STK24: variants seen among roughly 807,000 people sequenced by gnomAD.
The protein encoded by STK24 is serine/threonine-protein kinase 24.
In STK24, 21 loss-of-function variants were observed where a neutral mutation model predicts 55.6. The ratio of observed to expected loss-of-function variants is 0.38; its 90% CI spans 0.27 to 0.54. The LOEUF (loss-of-function observed/expected upper bound fraction) is 0.54. Ranked by LOEUF, STK24 falls within the 20% of genes least tolerant of loss-of-function variation. The pLI is 0.79. For missense variants in STK24, 383 were observed against 538.4 expected, an observed-to-expected ratio of 0.71 and a Z score of 2.86; for synonymous variants, 200 against 215.2, an observed-to-expected ratio of 0.93 and a Z score of 0.62.
intron 1 of STK24, among the ~76,000 whole-genome samples, chr13:98,567,914 G>C (rs1897627713): frequency 1.5e-5 from 2 of 137,566 alleles, no homozygotes; most frequent in South Asian, 5.6e-4. Context: ...CTCAGAAGCT[G>C]GAAAGTAGGT....
At chr13:98,545,373 G>A (rs570642705) in intron 1 of STK24, among the ~76,000 whole-genome samples, 22 of 152,340 alleles carry the variant, frequency 1.4e-4, no homozygotes, top group African/African-American at 4.3e-4. Flanking sequence ...TAGGCCGGGC[G>A]CAGTGGCTCA....
intron 1 of STK24, among the ~76,000 whole-genome samples, chr13:98,572,604 G>T (rs771940650): frequency 1.3e-5 from 2 of 152,114 alleles, no homozygotes; most frequent in Non-Finnish European, 2.9e-5. Flanking sequence ...TCCCAGACTG[G>T]CCATTAGACA....
At chr13:98,539,926 G>T (rs1896840331) in intron 1 of STK24, among the ~76,000 whole-genome samples, 1 of 152,136 alleles carries the variant, frequency 6.6e-6, no homozygotes, top group African/African-American at 2.4e-5. Flanking sequence ...TGTTCACAGC[G>T]ACATGATTCA....
In STK24 at chr13:98,448,210, G is replaced by A; in HGVS notation, c.*4963C>T. ...CAGGAGTCCGTCCAAACAAAAGGTTGACTAACTGGCGTTCCCGTGTTGCAG... is the reference window on the plus strand; with the variant it reads ...CAGGAGTCCGTCCAAACAAAAGGTTAACTAACTGGCGTTCCCGTGTTGCAG... On this transcript the variant is annotated 3_prime_UTR_variant, in exon 11 of 11. Transcript: ENST00000539966. 1 of 1,603,196 alleles carries A rather than the reference G, an allele frequency of 6.2e-7. No homozygotes were observed. The highest frequency in any genetic ancestry group is 8.5e-7 in the Non-Finnish European group (1 of 1,170,250).
At position 98,446,828 on chromosome 13, in the gene STK24, C is replaced by T; in HGVS notation, c.*6345G>A. ...GTACACGTTCGAAAGGTAGACACCC[C>T]CTTCCCACGCACAGGGCCCTGCAGA... On this transcript the variant is annotated 3_prime_UTR_variant, in exon 11 of 11. Transcript: ENST00000539966. The T allele has an allele frequency of 6.2e-7, 1 of 1,613,812 alleles. No individual in the cohort carries two copies. The highest frequency in any genetic ancestry group is 8.5e-7 in the Non-Finnish European group (1 of 1,179,824).
chr13:98,448,010 C>T lies in STK24; in HGVS notation c.*5163G>A. ...TCCAATGGAGCGGGCAGTGTCACTGCAGCAAGGTACTTCCAGCTCCACACT... is the reference window on the plus strand; with the variant it reads ...TCCAATGGAGCGGGCAGTGTCACTGTAGCAAGGTACTTCCAGCTCCACACT... On this transcript the variant is annotated 3_prime_UTR_variant, in exon 11 of 11. Coordinates refer to ENST00000539966, the MANE Select transcript of STK24 (RefSeq NM_001032296.4). 6.9e-6 allele frequency: 4 copies of T among 577,730 alleles called. No individual in the cohort carries two copies. The highest frequency in any genetic ancestry group is 4.1e-5 in the South Asian group (2 of 49,076). The allele number at this position is 577,730 out of a possible 1,614,324, so 35.8% of individuals were successfully genotyped here.
chr13:98,445,861 CTT>C lies in STK24; in HGVS notation c.*7310_*7311del, dbSNP rs1892800756. On this transcript the variant is annotated 3_prime_UTR_variant, in exon 11 of 11. Coordinates refer to ENST00000539966, the MANE Select transcript of STK24 (RefSeq NM_001032296.4). ...ACTGGTAGTCAGGACCTCAACGTGT[CTT>C]TTGGGGGGACACAGGGACCCCAAGA... The C allele has an allele frequency of 2.0e-6, 1 of 498,146 alleles. No individual in the cohort carries two copies. Among genetic ancestry groups the C allele is most frequent in the Admixed American group, 3.6e-5 (1 of 27,622 alleles). The allele number at this position is 498,146 out of a possible 1,614,324, so 30.9% of individuals were successfully genotyped here.
At chr13:98,490,610 T>C (rs548765070) in intron 2 of STK24, among the ~76,000 whole-genome samples, 1 of 152,212 alleles carries the variant, frequency 6.6e-6, no homozygotes, top group South Asian at 2.1e-4. Context: ...TTCCACGTGA[T>C]GAATGTGGAG....
intron 1 of STK24, among the ~76,000 whole-genome samples, chr13:98,559,002 TAAAAAAAAAAAAAA>T (rs60756124): frequency 4.6e-3 from 199 of 43,038 alleles, no homozygotes; most frequent in East Asian, 0.04. Context: ...CTGTCTCTAC[TAAAAAAAAAAAAAA>T]AAAAAAAAAA....
intron 2 of STK24, among the ~76,000 whole-genome samples, chr13:98,509,658 AC>A (rs997125408): frequency 1.3e-5 from 2 of 152,172 alleles, no homozygotes; most frequent in African/African-American, 2.4e-5. Context: ...TCTAGACCAC[AC>A]CCAAAAGGCC....
chr13:98,466,700 AGC>A (rs1893937731), intron 5 of STK24, 139 bp from the exon 6 acceptor site: 2 of 954,308 alleles, frequency 2.1e-6, no homozygotes, highest in Non-Finnish European at 3.0e-6. Context: ...TAAAAACATA[AGC>A]CCTCGCTGTA....
chr13:98,532,491 C>T (rs1346126316), intron 1 of STK24, among the ~76,000 whole-genome samples: 1 of 151,742 alleles, frequency 6.6e-6, no homozygotes, highest in Non-Finnish European at 1.5e-5. Flanking sequence ...ACACACACAT[C>T]CCATACCCAC....
At chr13:98,482,421 A>G (rs1894627517) in intron 2 of STK24, 100 bp from the exon 3 acceptor site, 1 of 648,506 alleles carries the variant, frequency 1.5e-6, no homozygotes, top group Non-Finnish European at 2.7e-6. Context: ...TTGGAACTAG[A>G]AAGTTTTACA....
intron 1 of STK24, among the ~76,000 whole-genome samples, chr13:98,525,397 G>A (rs192514163): frequency 6.6e-5 from 10 of 152,300 alleles, no homozygotes; most frequent in Middle Eastern, 3.4e-3. Context: ...CAAGGGCTCC[G>A]CCTTTTCTGA....
At chr13:98,460,533 AGGAGTTG>A in intron 8 of STK24, 93 bp from the exon 9 acceptor site, 1 of 1,039,486 alleles carries the variant, frequency 9.6e-7, no homozygotes. Context: ...ATGGAAGCGC[AGGAGTTG>A]CCTCTACACT....
chr13:98,564,594 G>C (rs1462626830), intron 1 of STK24, among the ~76,000 whole-genome samples: 1 of 152,202 alleles, frequency 6.6e-6, no homozygotes, highest in Non-Finnish European at 1.5e-5. Flanking sequence ...GTCTACATCT[G>C]ATCAGGAAGT....
Position 98,487,670 on chromosome 13 carries a change from A to G in STK24, c.274-5349T>C, listed in dbSNP as rs139142908. On this transcript the variant is annotated intron_variant, in intron 2 of 10. Transcript: ENST00000539966. ...CCTTGCTTTTTACCTAAAGTTTCTT[A>G]AAGAGCAGTCCATATGTAAAGGACT... is the stretch of plus-strand genomic sequence containing the variant. 1.3e-4 allele frequency among the ~76,000 whole-genome samples: 20 copies of G among 152,358 alleles called. No homozygotes were observed. In the East Asian group the frequency reaches 3.5e-3, roughly 26 times the overall value.
In STK24 at chr13:98,448,113, T is replaced by G; in HGVS notation, c.*5060A>C. On this transcript the variant is annotated 3_prime_UTR_variant, in exon 11 of 11. Transcript: ENST00000539966. ...GCTGGCTGTTCCCTTGCTCTTCTGC[T>G]GAAGTGGCAGATTACCAACCAGGCG... 1 of 783,612 alleles carries G rather than the reference T, an allele frequency of 1.3e-6. No individual in the cohort carries two copies. 48.5% of individuals were successfully genotyped at this position (783,612 alleles called of 1,614,324 possible).
intron 5 of STK24, among the ~76,000 whole-genome samples, chr13:98,468,635 C>G (rs747912960): frequency 5.3e-5 from 8 of 152,202 alleles, no homozygotes; most frequent in Non-Finnish European, 1.0e-4. Flanking sequence ...TCTGCTTCCC[C>G]CAGGCCTCTC....
Sources: gnomAD v4.1 joint callset for allele counts (sites outside exome capture counted in the v4.1 genomes callset) on GRCh38, gnomAD v4.1.1 for gene constraint, MANE v1.5 for transcripts, NCBI Gene and HGNC (gene_info 2026-07-23, HGNC 2026-07-21) for gene names.